Variants in DACT1 observed in about 807,000 individuals in gnomAD.
DACT1 encodes dapper homolog 1.
A neutral mutation model predicts 35.3 loss-of-function variants in DACT1; 19 were observed. The ratio of observed to expected loss-of-function variants is 0.54; its 90% confidence interval spans 0.38 to 0.79. The LOEUF is 0.79. Ranked by LOEUF, DACT1 falls within the 30% of genes least tolerant of loss-of-function variation. The probability of loss-of-function intolerance (pLI) is 0.00; values close to 1 mark genes in which losing one functional copy is unlikely to be tolerated. For synonymous variants in DACT1, 545 were observed against 466.7 expected (o/e 1.17, Z -2.16); for missense variants, 1,143 against 1,057.5 (o/e 1.08, Z -1.12).
chr14:58,646,927 G>A lies in DACT1; in HGVS notation c.2193G>A (p.Gly731=), dbSNP rs770570404. ...ESSVSEGEFV[G]ESTTTSDSEE... ...GTGTGAGCGAGGGCGAGTTCGTGGG[G>A]GAGAGCACAACCACCAGCGACTCTG... Residue 731 remains glycine (G), a synonymous_variant, in exon 4 of 4, where the codon GGG becomes GGA. Coordinates refer to ENST00000395153, the MANE Select transcript of DACT1 (RefSeq NM_001079520.2). 6.2e-7 allele frequency: 1 copy of A among 1,614,152 alleles called. No homozygotes were observed. The highest frequency in any genetic ancestry group is 1.1e-5 in the South Asian group (1 of 91,082).
At chr14:58,639,094 C>T in intron 1 of DACT1, 2 of 985,540 alleles carry the variant, frequency 2.0e-6, no homozygotes, top group Non-Finnish European at 2.4e-6. Flanking sequence ...TGCCAGCTTT[C>T]ACCCAGGCTG....
chr14:58,646,427 A>T lies in DACT1; in HGVS notation c.1693A>T (p.Arg565Trp). The change falls in exon 4 of 4, where the codon AGG becomes TGG. Residue 565 changes from arginine (R) to tryptophan (W), a missense_variant. Transcript: ENST00000395153. ...GCTGGAGAACGGCTTGCCCACCGTC[A>T]GGGAGAAAACGCGGGCCGGGAGCAA... ...QGLENGLPTVREKTRAGSKKC... is the reference protein window; with the variant it reads ...QGLENGLPTVWEKTRAGSKKC... The T allele has an allele frequency of 6.3e-7, 1 of 1,596,960 alleles. No individual in the cohort carries two copies. Among genetic ancestry groups the T allele is most frequent in the Non-Finnish European group, 8.5e-7 (1 of 1,174,692 alleles).
At chr14:58,637,148 A>T (rs750727230), upstream of DACT1, among the ~76,000 whole-genome samples, 4 of 152,254 alleles carry the variant, frequency 2.6e-5, no homozygotes, top group Non-Finnish European at 5.9e-5. Flanking sequence ...CTGGGATACA[A>T]ATCCAGACAG....
At chr14:58,639,271 T>G in intron 1 of DACT1, 2 of 985,178 alleles carry the variant, frequency 2.0e-6, no homozygotes, top group Non-Finnish European at 2.4e-6. Flanking sequence ...CGGTAAGCAT[T>G]TATCTTACTG....
rs2047701658 is a variant in DACT1, at chr14:58,647,230, T to C, written c.*96T>C. On this transcript the variant is annotated 3_prime_UTR_variant, in exon 4 of 4. Coordinates refer to ENST00000395153, the MANE Select transcript of DACT1 (RefSeq NM_001079520.2). ...GTGTTTTCATTTTTGTATAATACTT[T>C]AATGGAATGCTTTTTAAAAAAATAT... is the stretch of plus-strand genomic sequence containing the variant. 1.4e-6 allele frequency: 2 copies of C among 1,384,534 alleles called. No individual in the cohort carries two copies. Among genetic ancestry groups the C allele is most frequent in the Non-Finnish European group, 2.0e-6 (2 of 1,002,994 alleles). 85.8% of individuals were successfully genotyped at this position (1,384,534 alleles called of 1,614,324 possible).
rs1199848545 is a variant in DACT1, at chr14:58,645,808, G to C, written c.1074G>C (p.Ser358=). ...SQGNSVNLKN[S]KQACLPSGGI... The stretch of plus-strand genomic sequence containing the variant: ...GCAACAGTGTGAACCTTAAGAATTC[G>C]AAACAGGCGTGTCTGCCCTCTGGCG... The change falls in exon 4 of 4, where the codon TCG becomes TCC. Residue 358 remains serine, a synonymous_variant. Transcript: ENST00000395153. 1.2e-6 allele frequency: 2 copies of C among 1,614,264 alleles called. No individual in the cohort carries two copies. The highest frequency in any genetic ancestry group is 1.1e-5 in the South Asian group (1 of 91,086).
At chr14:58,636,707 T>C (rs2047574601), upstream of DACT1, among the ~76,000 whole-genome samples, 1 of 152,152 alleles carries the variant, frequency 6.6e-6, no homozygotes, top group Non-Finnish European at 1.5e-5. Flanking sequence ...CACAACACTT[T>C]GCCTGAACTT....
chr14:58,646,998 C>T lies in DACT1; in HGVS notation c.2264C>T (p.Pro755Leu). The change falls in exon 4 of 4, where the codon CCC (proline) becomes CTC (leucine). Residue 755 changes from proline to leucine, a missense_variant. Coordinates refer to ENST00000395153, the MANE Select transcript of DACT1 (RefSeq NM_001079520.2). ...LIWSQFVQTLPIQTVTAPDLH... is the reference protein window; with the variant it reads ...LIWSQFVQTLLIQTVTAPDLH... ...TGGTCCCAGTTTGTCCAGACTCTGC[C>T]CATTCAAACGGTAACGGCCCCAGAC... The T allele has an allele frequency of 6.2e-7, 1 of 1,614,156 alleles. No homozygotes were observed. Among genetic ancestry groups the T allele is most frequent in the Non-Finnish European group, 8.5e-7 (1 of 1,180,034 alleles).
chr14:58,634,660 T>C (rs1362922325), upstream of DACT1, among the ~76,000 whole-genome samples: 1 of 152,232 alleles, frequency 6.6e-6, no homozygotes. Context: ...TCATTTGTGT[T>C]TGTTTGGCCA....
At chr14:58,634,250 G>C (rs181101033), upstream of DACT1, 1 of 152,300 alleles carries the variant, frequency 6.6e-6, no homozygotes, top group East Asian at 1.9e-4. Flanking sequence ...AGGATGGAAG[G>C]AGTTGTTTCA....
At position 58,647,364 on chromosome 14, in the gene DACT1, G is replaced by A. The variant is rs2047703715; in HGVS notation, c.*230G>A. On this transcript the variant is annotated 3_prime_UTR_variant, in exon 4 of 4. Transcript: ENST00000395153. Reference sequence around the variant, plus strand: ...AAGTACATATTGAGGTTTTAATGGTGGTGATAGTGAGTTTTGTGGCACCAG... The same window carrying A: ...AAGTACATATTGAGGTTTTAATGGTAGTGATAGTGAGTTTTGTGGCACCAG... 1 of 539,238 alleles carries A rather than the reference G, an allele frequency of 1.9e-6. No individual in the cohort carries two copies. Among genetic ancestry groups the A allele is most frequent in the South Asian group, 2.7e-5 (1 of 36,848 alleles). The allele number at this position is 539,238 out of a possible 1,614,324, so 33.4% of individuals were successfully genotyped here. A position where few individuals can be genotyped will look rare whatever the true frequency, so the allele number is the denominator to read the frequency against.
At chr14:58,641,895 A>C in intron 3 of DACT1, 148 bp downstream of exon 3, 1 of 727,910 alleles carries the variant, frequency 1.4e-6, no homozygotes, top group African/African-American at 1.8e-5. Flanking sequence ...TCTAGAACTC[A>C]GTTTCATCTA....
chr14:58,637,910 G>A (rs546720857), upstream of DACT1: 1,302 of 165,500 alleles, frequency 7.9e-3, 16 homozygotes, highest in African/African-American at 0.03. Flanking sequence ...GGAGGCGGGC[G>A]CCAGGCGGGG....
rs698025 is a variant in DACT1, at chr14:58,646,712, G to A, written c.1978G>A (p.Gly660Ser). ...AGAGGCCCTGAGGAGGGCCCGGCGC[G>A]GTCGCCGGGAGAATGTGGGGCTGTA... ...YEEALRRARR[G>S]RRENVGLYPA... Residue 660 changes from glycine to serine, a missense_variant, in exon 4 of 4, where the codon GGT (glycine) becomes AGT (serine). Physicochemically the swap from Gly to Ser is moderately conservative, Grantham distance 56. Around this residue, in one of 3 missense-constraint regions of DACT1, gnomAD observed 1,054 missense variants for 958.8 expected, o/e 1.10. Coordinates refer to ENST00000395153, the MANE Select transcript of DACT1 (RefSeq NM_001079520.2). The A allele has an allele frequency of 0.2, 326,378 of 1,612,976 alleles. 35,862 individuals are homozygous for A. Among genetic ancestry groups the A allele is most frequent in the African/African-American group, 0.38 (28,677 of 74,946 alleles).
chr14:58,644,132 T>G (rs962755113), intron 3 of DACT1, among the ~76,000 whole-genome samples: 2 of 152,184 alleles, frequency 1.3e-5, no homozygotes, highest in African/African-American at 2.4e-5. Flanking sequence ...TTAAATGGAT[T>G]TGTTATTTAT....
chr14:58,646,999 C>G lies in DACT1; in HGVS notation c.2265C>G (p.Pro755=). 1 of 1,614,196 alleles carries G rather than the reference C, an allele frequency of 6.2e-7. No individual in the cohort carries two copies. The highest frequency in any genetic ancestry group is 8.5e-7 in the Non-Finnish European group (1 of 1,180,044). Residue 755 remains proline, a synonymous_variant, in exon 4 of 4, where the codon CCC becomes CCG. Coordinates refer to ENST00000395153, the MANE Select transcript of DACT1 (RefSeq NM_001079520.2). The part of the protein sequence containing the change: ...LIWSQFVQTL[P]IQTVTAPDLH... ...GGTCCCAGTTTGTCCAGACTCTGCCCATTCAAACGGTAACGGCCCCAGACC... is the reference window on the plus strand; with the variant it reads ...GGTCCCAGTTTGTCCAGACTCTGCCGATTCAAACGGTAACGGCCCCAGACC...
chr14:58,646,998 C>G lies in DACT1; in HGVS notation c.2264C>G (p.Pro755Arg), dbSNP rs748775932. 2 of 1,614,156 alleles carry G rather than the reference C, an allele frequency of 1.2e-6. No individual in the cohort carries two copies. The highest frequency in any genetic ancestry group is 1.7e-6 in the Non-Finnish European group (2 of 1,180,034). ...LIWSQFVQTLPIQTVTAPDLH... is the reference protein window; with the variant it reads ...LIWSQFVQTLRIQTVTAPDLH... ...TGGTCCCAGTTTGTCCAGACTCTGC[C>G]CATTCAAACGGTAACGGCCCCAGAC... Residue 755 changes from proline to arginine, a missense_variant, in exon 4 of 4, where the codon CCC becomes CGC. Around this residue, in one of 3 missense-constraint regions of DACT1, gnomAD observed 1,054 missense variants for 958.8 expected, o/e 1.10. Transcript: ENST00000395153.
At position 58,646,526 on chromosome 14, in the gene DACT1, G is replaced by T. The variant is rs775769754; in HGVS notation, c.1792G>T (p.Gly598Trp). Residue 598 changes from glycine (G) to tryptophan (W), a missense_variant, in exon 4 of 4, where the codon GGG (glycine) becomes TGG (tryptophan). Around this residue, in one of 3 missense-constraint regions of DACT1, gnomAD observed 1,054 missense variants for 958.8 expected, o/e 1.10. Coordinates refer to ENST00000395153, the MANE Select transcript of DACT1 (RefSeq NM_001079520.2). Reference sequence around the variant, plus strand: ...AGCCTCCTCCAAGGGGAGGAAGAGTGGGGGCGGGCCCGAGGCTGGTGTTCC... The same window carrying T: ...AGCCTCCTCCAAGGGGAGGAAGAGTTGGGGCGGGCCCGAGGCTGGTGTTCC... Reference protein sequence around the residue: ...KKASSKGRKSGGGPEAGVPGR... With the variant: ...KKASSKGRKSWGGPEAGVPGR... 4 of 1,557,972 alleles carry T rather than the reference G, an allele frequency of 2.6e-6. No individual in the cohort carries two copies. Among genetic ancestry groups the T allele is most frequent in the African/African-American group, 1.4e-5 (1 of 72,694 alleles).
rs1362421514 is a variant in DACT1 at position 58,638,249 on chromosome 14, C to A, written c.47C>A (p.Ala16Glu). ...ACGGCGAAGGAGCTGGAGCCTCCGG[C>A]GCCGGCCCGAGGCGAGCAGCGCACG... is the stretch of plus-strand genomic sequence containing the variant. Reference protein sequence around the residue: ...AGTAKELEPPAPARGEQRTAE... With the variant: ...AGTAKELEPPEPARGEQRTAE... Residue 16 changes from alanine (A) to glutamate (E), a missense_variant, in exon 1 of 4, where the codon GCG becomes GAG. Physicochemically the swap from Ala to Glu is moderately radical, Grantham distance 107 (BLOSUM62 -1). Transcript: ENST00000395153. 6 of 1,365,850 alleles carry A rather than the reference C, an allele frequency of 4.4e-6. No homozygotes were observed. The highest frequency in any genetic ancestry group is 3.3e-5 in the Admixed American group (1 of 30,562). The allele number at this position is 1,365,850 out of a possible 1,614,324, so 84.6% of individuals were successfully genotyped here.
Sources: gnomAD v4.1 joint callset for allele counts (sites outside exome capture counted in the v4.1 genomes callset) on GRCh38, gnomAD v4.1.1 for gene constraint, gnomAD v4.1.1 regional missense constraint, MANE v1.5 for transcripts, NCBI Gene and HGNC (gene_info 2026-07-23, HGNC 2026-07-21) for gene names.